AGAP1: variants seen among roughly 807,000 people sequenced by gnomAD.
AGAP1 encodes the protein ArfGAP with GTPase domain, ankyrin repeat and PH domain 1.
AGAP1 carries 29 observed loss-of-function variants against 105.3 expected under a neutral mutation model. That is an observed-to-expected ratio of 0.28 (90% CI 0.21 to 0.38). AGAP1 has a LOEUF of 0.38. Ranked by LOEUF, AGAP1 falls within the 10% of genes least tolerant of loss-of-function variation. The pLI is 1.00. For missense variants in AGAP1, 998 were observed against 1,165.1 expected, an observed-to-expected ratio of 0.86 and a Z score of 2.09; for synonymous variants, 509 against 485.9, an observed-to-expected ratio of 1.05 and a Z score of -0.63.
Position 235,855,975 on chromosome 2 carries a change from A to G in AGAP1, c.1051-27370A>G, listed in dbSNP as rs1427491187. Reference sequence around the variant, plus strand: ...GTCACCCAGGCTGGAGTGCAATGGCATGATCTCGGCTCACTGCAACTTCTG... The same window carrying G: ...GTCACCCAGGCTGGAGTGCAATGGCGTGATCTCGGCTCACTGCAACTTCTG... On this transcript the variant is annotated intron_variant, in intron 9 of 17. Coordinates refer to ENST00000304032, the MANE Select transcript of AGAP1 (RefSeq NM_001037131.3). The surrounding 1 kb of genome is among the most constrained non-coding windows in gnomAD (Gnocchi z 5.0). Among the ~76,000 whole-genome samples, 1 of 152,098 alleles carries G rather than the reference A, an allele frequency of 6.6e-6. No homozygotes were observed. The highest frequency in any genetic ancestry group is 1.9e-4 in the East Asian group (1 of 5,206).
At chr2:235,502,317 C>T (rs1388799647) in intron 1 of AGAP1, among the ~76,000 whole-genome samples, 1 of 152,102 alleles carries the variant, frequency 6.6e-6, no homozygotes, top group Non-Finnish European at 1.5e-5. Flanking sequence ...AGTAACCAGC[C>T]AGATAGCTTG....
At position 235,550,316 on chromosome 2, in the gene AGAP1, T is replaced by C. The variant is rs572925770; in HGVS notation, c.163+55467T>C. 5.9e-5 allele frequency among the ~76,000 whole-genome samples: 9 copies of C among 152,322 alleles called. No homozygotes were observed. In the South Asian group the frequency reaches 1.9e-3, roughly 32 times the overall value. ...CCTGTACTAGGGTCCCCTCTGGCAC[T>C]CTTTCTCTGGGGCTCTGTGTTCCCT... On this transcript the variant is annotated intron_variant, in intron 1 of 17. Coordinates refer to ENST00000304032, the MANE Select transcript of AGAP1 (RefSeq NM_001037131.3). The surrounding 1 kb of genome is among the most constrained non-coding windows in gnomAD (Gnocchi z 4.6).
At chr2:235,497,653 G>A (rs1443062557) in intron 1 of AGAP1, among the ~76,000 whole-genome samples, 1 of 152,236 alleles carries the variant, frequency 6.6e-6, no homozygotes, top group Non-Finnish European at 1.5e-5. Context: ...CTGGAGTGCA[G>A]CGGCGCAATC....
chr2:235,849,938 G>C (rs1286835052), intron 9 of AGAP1, among the ~76,000 whole-genome samples: 1 of 152,174 alleles, frequency 6.6e-6, no homozygotes, highest in Non-Finnish European at 1.5e-5. Flanking sequence ...TCTTGGTCCT[G>C]CCTTTCTCAC....
rs1947894407 is a variant in AGAP1 at position 235,659,952 on chromosome 2, G to A, written c.164-49227G>A. Reference sequence around the variant, plus strand: ...GGTGGGGTGGGCAGGGAAGGAACAGGCCCATAGGCACCCCTCCATGGGCCC... The same window carrying A: ...GGTGGGGTGGGCAGGGAAGGAACAGACCCATAGGCACCCCTCCATGGGCCC... On this transcript the variant is annotated intron_variant, in intron 1 of 17. Transcript: ENST00000304032. The surrounding 1 kb of genome is among the most constrained non-coding windows in gnomAD (Gnocchi z 5.0). 6.6e-6 allele frequency among the ~76,000 whole-genome samples: 1 copy of A among 152,180 alleles called. No individual in the cohort carries two copies. Among genetic ancestry groups the A allele is most frequent in the Non-Finnish European group, 1.5e-5 (1 of 68,038 alleles).
In AGAP1 at chr2:235,883,480, G is replaced by A; in HGVS notation, c.1155+31G>A. The A allele has an allele frequency of 1.3e-6, 2 of 1,567,020 alleles. No individual in the cohort carries two copies. The highest frequency in any genetic ancestry group is 1.8e-6 in the Non-Finnish European group (2 of 1,138,776). On this transcript the variant is annotated intron_variant, in intron 10 of 17. Transcript: ENST00000304032. This position sits in a 1 kb window ranked among gnomAD's most constrained non-coding sequence, Gnocchi z 4.5. ...TATAGCCCCCTCGGAGCAATTAACA[G>A]CTGCAGACCTCAACTAAACACTGTG... is the stretch of plus-strand genomic sequence containing the variant.
In AGAP1 at chr2:235,994,961, G is replaced by A. The variant is rs746208302; in HGVS notation, c.1645+26338G>A. Among the ~76,000 whole-genome samples the A allele has an allele frequency of 2.0e-5, 3 of 148,576 alleles. No homozygotes were observed. The highest frequency in any genetic ancestry group is 3.0e-5 in the Non-Finnish European group (2 of 67,456). On this transcript the variant is annotated intron_variant, in intron 13 of 17. Transcript: ENST00000304032. This position sits in a 1 kb window ranked among gnomAD's most constrained non-coding sequence, Gnocchi z 4.4. Reference sequence around the variant, plus strand: ...AGGCGCCTGTAATCGCAGCTACTTGGGAGGCTGAGGCAAGAGAATTGCTTG... The same window carrying A: ...AGGCGCCTGTAATCGCAGCTACTTGAGAGGCTGAGGCAAGAGAATTGCTTG...
chr2:235,884,361 G>A (rs929487168), intron 10 of AGAP1, among the ~76,000 whole-genome samples: 1 of 151,500 alleles, frequency 6.6e-6, no homozygotes, highest in African/African-American at 2.4e-5. Flanking sequence ...CTTATAATAT[G>A]TAATAGAATG....
At chr2:235,575,996 C>T (rs540379259) in intron 1 of AGAP1, among the ~76,000 whole-genome samples, 1 of 152,286 alleles carries the variant, frequency 6.6e-6, no homozygotes, top group Non-Finnish European at 1.5e-5. Context: ...TCTTGGATAC[C>T]TTTCCCTTGT....
chr2:235,784,127 T>C (rs886480371), intron 6 of AGAP1, among the ~76,000 whole-genome samples: 10 of 152,154 alleles, frequency 6.6e-5, no homozygotes, highest in Admixed American at 4.6e-4. Context: ...TAATAAAATA[T>C]AGGGGGAAAT....
chr2:235,632,119 T>C (rs1372441712), intron 1 of AGAP1, among the ~76,000 whole-genome samples: 1 of 152,204 alleles, frequency 6.6e-6, no homozygotes, highest in African/African-American at 2.4e-5. Context: ...TTCAGACATA[T>C]GTGGCCAAGT....
chr2:235,816,506 C>T (rs192446852), intron 9 of AGAP1, among the ~76,000 whole-genome samples: 1 of 151,802 alleles, frequency 6.6e-6, no homozygotes, highest in East Asian at 1.9e-4. Context: ...CTTAGGAGGC[C>T]TTTCACCTTA....
chr2:235,578,886 G>T lies in AGAP1; in HGVS notation c.163+84037G>T, dbSNP rs1344515076. Among the ~76,000 whole-genome samples, 5 of 150,916 alleles carry T rather than the reference G, an allele frequency of 3.3e-5. No homozygotes were observed. Among genetic ancestry groups the T allele is most frequent in the Non-Finnish European group, 7.4e-5 (5 of 67,826 alleles). On this transcript the variant is annotated intron_variant, in intron 1 of 17. Transcript: ENST00000304032. This position sits in a 1 kb window ranked among gnomAD's most constrained non-coding sequence, Gnocchi z 4.9. Reference sequence around the variant, plus strand: ...TGTTGAGGGTCAAAATTTTACCTTTGTCTACCTATCTGCCTGTCCCTCTAG... The same window carrying T: ...TGTTGAGGGTCAAAATTTTACCTTTTTCTACCTATCTGCCTGTCCCTCTAG...
intron 9 of AGAP1, among the ~76,000 whole-genome samples, chr2:235,880,459 G>A (rs1382217850): frequency 5.3e-5 from 8 of 152,160 alleles, no homozygotes; most frequent in Admixed American, 3.9e-4. Context: ...AATGAATGAC[G>A]GAAAAATGGG....
At position 235,738,543 on chromosome 2, in the gene AGAP1, T is replaced by TTTTCTTTC. The variant is rs545551935; in HGVS notation, c.311-2404_311-2397dup. 2.4e-4 allele frequency among the ~76,000 whole-genome samples: 36 copies of TTTTCTTTC among 151,610 alleles called. 1 individual carries two copies. The highest frequency in any genetic ancestry group is 8.3e-4 in the African/African-American group (34 of 41,154). ...AACAGATTTCCTTTTCAAATGTTAT[T>TTTTCTTTC]TTTCTTTCTTTCTTTCTTTCTTTTT... On this transcript the variant is annotated intron_variant, in intron 3 of 17. Transcript: ENST00000304032.
Position 235,867,054 on chromosome 2 carries a change from C to T in AGAP1, c.1051-16291C>T, listed in dbSNP as rs2049205826. On this transcript the variant is annotated intron_variant, in intron 9 of 17. Coordinates refer to ENST00000304032, the MANE Select transcript of AGAP1 (RefSeq NM_001037131.3). This position sits in a 1 kb window ranked among gnomAD's most constrained non-coding sequence, Gnocchi z 5.4. ...CGGGGGGTGCTTGCTTATGCGGAGCCTGTGACCCTGCAGCTCAGCATGGGA... is the reference window on the plus strand; with the variant it reads ...CGGGGGGTGCTTGCTTATGCGGAGCTTGTGACCCTGCAGCTCAGCATGGGA... 6.6e-6 allele frequency among the ~76,000 whole-genome samples: 1 copy of T among 152,186 alleles called. No individual in the cohort carries two copies. The highest frequency in any genetic ancestry group is 6.5e-5 in the Admixed American group (1 of 15,280).
intron 9 of AGAP1, among the ~76,000 whole-genome samples, chr2:235,818,568 G>A (rs150647071): frequency 3.9e-5 from 6 of 152,188 alleles, no homozygotes; most frequent in East Asian, 1.9e-4. Flanking sequence ...TCAGCCTCCC[G>A]AGTAGCTGGG....
intron 6 of AGAP1, among the ~76,000 whole-genome samples, chr2:235,784,611 A>AG (rs1323527441): frequency 1.3e-5 from 2 of 151,800 alleles, no homozygotes; most frequent in East Asian, 1.9e-4. Flanking sequence ...AAAAAAAAAA[A>AG]AAAAACCATG....
chr2:235,732,717 G>A lies in AGAP1; in HGVS notation c.311-8246G>A, dbSNP rs1396507150. Reference sequence around the variant, plus strand: ...CCAGACATTGTCTTTCCCTGAGACCGATGCTGACCACTGGGAAGACTTCTC... The same window carrying A: ...CCAGACATTGTCTTTCCCTGAGACCAATGCTGACCACTGGGAAGACTTCTC... On this transcript the variant is annotated intron_variant, in intron 3 of 17. Coordinates refer to ENST00000304032, the MANE Select transcript of AGAP1 (RefSeq NM_001037131.3). This position sits in a 1 kb window ranked among gnomAD's most constrained non-coding sequence, Gnocchi z 4.8. Among the ~76,000 whole-genome samples, 1 of 152,092 alleles carries A rather than the reference G, an allele frequency of 6.6e-6. No individual in the cohort carries two copies. Among genetic ancestry groups the A allele is most frequent in the African/African-American group, 2.4e-5 (1 of 41,424 alleles).
Sources: gnomAD v4.1 joint callset for allele counts (sites outside exome capture counted in the v4.1 genomes callset) on GRCh38, gnomAD v4.1.1 for gene constraint, Gnocchi (gnomAD v3.1) non-coding constraint, MANE v1.5 for transcripts, NCBI Gene and HGNC (gene_info 2026-07-23, HGNC 2026-07-21) for gene names.